Variants in FRAS1 observed in about 807,000 individuals in gnomAD.
FRAS1 encodes extracellular matrix organizing protein FRAS1.
Under a neutral mutation model 435.2 loss-of-function variants are expected in FRAS1, and 290 were observed. That is an observed-to-expected ratio of 0.67 (90% CI 0.61 to 0.73). The LOEUF is 0.73. Among genes scored for constraint, FRAS1 ranks in the 30% least tolerant of loss-of-function variants. The pLI, the probability that FRAS1 is intolerant of heterozygous loss-of-function variation, is 0.00. For missense variants in FRAS1, 4,860 were observed against 5,001.5 expected (o/e 0.97, Z 0.85); for synonymous variants, 1,800 against 1,851.0 (o/e 0.97, Z 0.71).
At chr4:78,339,524 G>T (rs986530077) in intron 20 of FRAS1, among the ~76,000 whole-genome samples, 1 of 152,232 alleles carries the variant, frequency 6.6e-6, no homozygotes, top group Non-Finnish European at 1.5e-5. Context: ...CATTATGCGG[G>T]GGGGTGGAAC....
intron 2 of FRAS1, among the ~76,000 whole-genome samples, chr4:78,089,281 T>G (rs546001283): frequency 1.9e-3 from 70 of 37,282 alleles, no homozygotes; most frequent in African/African-American, 7.0e-3. Context: ...GCCTGTTGTG[T>G]GGTGGGGGGA....
intron 20 of FRAS1, among the ~76,000 whole-genome samples, chr4:78,357,161 C>T (rs549434613): frequency 6.6e-6 from 1 of 152,300 alleles, no homozygotes; most frequent in Admixed American, 6.5e-5. Context: ...TAACTGCCAC[C>T]AGTGTTCTTG....
chr4:78,410,350 T>C (rs1349351592), intron 31 of FRAS1, among the ~76,000 whole-genome samples: 1 of 151,626 alleles, frequency 6.6e-6, no homozygotes, highest in Admixed American at 6.6e-5. Context: ...CCCTGTCCAT[T>C]GGAGTTATTT....
intron 19 of FRAS1, 57 bp downstream of exon 19, chr4:78,333,469 A>G (rs1730027345): frequency 3.3e-6 from 5 of 1,530,842 alleles, no homozygotes; most frequent in Middle Eastern, 1.7e-4. Flanking sequence ...TCTTCAGAGC[A>G]TAGCCAGACA....
intron 2 of FRAS1, among the ~76,000 whole-genome samples, chr4:78,158,835 C>T (rs1338695690): frequency 6.6e-6 from 1 of 152,142 alleles, no homozygotes; most frequent in Non-Finnish European, 1.5e-5. Flanking sequence ...TATGCCGCTG[C>T]CGTTCCGTCT....
chr4:78,429,452 A>T (rs763300159), intron 36 of FRAS1, among the ~76,000 whole-genome samples: 2 of 152,192 alleles, frequency 1.3e-5, no homozygotes, highest in Non-Finnish European at 2.9e-5. Context: ...AACACAACAC[A>T]GAACTGATTT....
Position 78,508,762 on chromosome 4 carries a change from A to G in FRAS1, c.9536A>G (p.Glu3179Gly). ...ACACTTGCTGACTATGACCATGTGG[A>G]AGAAGTTACCAAGGAAGGAGTCAAG... ...VVTLADYDHVEEVTKEGVKKS... is the reference protein window; with the variant it reads ...VVTLADYDHVGEVTKEGVKKS... Residue 3179 changes from glutamate (E) to glycine (G), a missense_variant, in exon 63 of 74, where the codon GAA becomes GGA. Coordinates refer to ENST00000512123, the MANE Select transcript of FRAS1 (RefSeq NM_025074.7). The G allele has an allele frequency of 1.2e-6, 2 of 1,613,786 alleles. No individual in the cohort carries two copies. Among genetic ancestry groups the G allele is most frequent in the Non-Finnish European group, 1.7e-6 (2 of 1,179,820 alleles).
chr4:78,133,985 A>G (rs1578145568), intron 2 of FRAS1, among the ~76,000 whole-genome samples: 1 of 130,644 alleles, frequency 7.7e-6, no homozygotes, highest in Non-Finnish European at 1.6e-5. Flanking sequence ...TTTGAGATGG[A>G]CTCTCGCACT....
intron 33 of FRAS1, among the ~76,000 whole-genome samples, chr4:78,420,048 G>A (rs1012025023): frequency 5.3e-5 from 8 of 152,106 alleles, no homozygotes; most frequent in Admixed American, 5.2e-4. Flanking sequence ...TGGGGACACA[G>A]ATCCAAATGG....
intron 2 of FRAS1, among the ~76,000 whole-genome samples, chr4:78,151,238 C>CT (rs574840941): frequency 1.6e-4 from 24 of 151,402 alleles, no homozygotes; most frequent in Admixed American, 2.6e-4. Flanking sequence ...TTTCATGGAG[C>CT]TTTTTTTTTA....
intron 9 of FRAS1, among the ~76,000 whole-genome samples, chr4:78,276,316 G>T (rs185724719): frequency 6.6e-6 from 1 of 152,194 alleles, no homozygotes; most frequent in Admixed American, 6.5e-5. Context: ...CTCTCAGCTC[G>T]TCAAAGTCAT....
At chr4:78,069,402 G>A (rs1420654773) in intron 2 of FRAS1, among the ~76,000 whole-genome samples, 1 of 152,214 alleles carries the variant, frequency 6.6e-6, no homozygotes. Flanking sequence ...AGCCTGTCTT[G>A]TGAGGATTCC....
chr4:78,122,648 G>C (rs1172642616), intron 2 of FRAS1, among the ~76,000 whole-genome samples: 1 of 151,936 alleles, frequency 6.6e-6, no homozygotes, highest in African/African-American at 2.4e-5. Context: ...GTTGTTTCCT[G>C]ACTTTTTAAT....
chr4:78,382,661 G>A (rs1378333113), intron 27 of FRAS1, among the ~76,000 whole-genome samples: 2 of 152,062 alleles, frequency 1.3e-5, no homozygotes, highest in Non-Finnish European at 2.9e-5. Flanking sequence ...GTTTATTGAG[G>A]TATAATTTGC....
Position 78,421,886 on chromosome 4 carries a change from C to CCTGG in FRAS1, c.4566_4567insGGCT (p.His1523GlyfsTer14). On this transcript the variant is annotated frameshift_variant, in exon 34 of 74. Coordinates refer to ENST00000512123, the MANE Select transcript of FRAS1 (RefSeq NM_025074.7). LOFTEE classifies it high-confidence loss of function. ...AGGTATCATCGAGCACCGGGACCAC[C>CCTGG]CTCACTCTCCTATCCGGTATTTCAC... is the stretch of plus-strand genomic sequence containing the variant. 6.3e-7 allele frequency: 1 copy of CCTGG among 1,592,020 alleles called. No homozygotes were observed. Among genetic ancestry groups the CCTGG allele is most frequent in the Non-Finnish European group, 8.6e-7 (1 of 1,160,636 alleles).
At chr4:78,184,977 C>T (rs1410336211) in intron 2 of FRAS1, among the ~76,000 whole-genome samples, 1 of 152,204 alleles carries the variant, frequency 6.6e-6, no homozygotes, top group Admixed American at 6.5e-5. Flanking sequence ...AAAACCATCA[C>T]ATCTTCATTT....
intron 9 of FRAS1, 85 bp downstream of exon 9, chr4:78,267,517 G>C: frequency 7.9e-7 from 1 of 1,264,438 alleles, no homozygotes; most frequent in Non-Finnish European, 1.1e-6. Flanking sequence ...TTTACTTCTT[G>C]GCAGCAGCAG....
In FRAS1 at chr4:78,541,248, C is replaced by G. The variant is rs1722042417; in HGVS notation, c.*124C>G. 2.0e-6 allele frequency: 1 copy of G among 508,596 alleles called. No homozygotes were observed. The highest frequency in any genetic ancestry group is 3.2e-6 in the Non-Finnish European group (1 of 311,506). 31.5% of individuals were successfully genotyped at this position (508,596 alleles called of 1,614,324 possible). ...ATAGCTTTGAGTGGCAGACAGCACACATCACATGCATCAACTCACAACTGA... is the reference window on the plus strand; with the variant it reads ...ATAGCTTTGAGTGGCAGACAGCACAGATCACATGCATCAACTCACAACTGA... On this transcript the variant is annotated 3_prime_UTR_variant, in exon 74 of 74. Transcript: ENST00000512123.
chr4:78,377,380 T>A (rs1011383506), intron 26 of FRAS1, among the ~76,000 whole-genome samples: 2 of 152,198 alleles, frequency 1.3e-5, no homozygotes, highest in Non-Finnish European at 2.9e-5. Context: ...AGTCCACTTG[T>A]GAAAATGAGT....
Sources: gnomAD v4.1 joint callset for allele counts (sites outside exome capture counted in the v4.1 genomes callset) on GRCh38, gnomAD v4.1.1 for gene constraint, MANE v1.5 for transcripts, NCBI Gene and HGNC (gene_info 2026-07-23, HGNC 2026-07-21) for gene names.